The following IMMP2L variants were observed in gnomAD, a reference collection of about 807,000 sequenced individuals.
IMMP2L encodes the protein inner mitochondrial membrane peptidase subunit 2, also known as mitochondrial inner membrane protease subunit 2.
In IMMP2L, 18 loss-of-function variants were observed where a neutral mutation model predicts 19.3. The ratio of observed to expected loss-of-function variants is 0.93; its 90% CI spans 0.64 to 1.38. The LOEUF is 1.38. Among genes scored for constraint, IMMP2L ranks in the 40% most tolerant of loss-of-function variants. The pLI is 0.00. For missense variants in IMMP2L, 233 were observed against 218.2 expected, an observed-to-expected ratio of 1.07 and a Z score of -0.43; for synonymous variants, 76 against 73.0, an observed-to-expected ratio of 1.04 and a Z score of -0.21.
intron 5 of IMMP2L, among the ~76,000 whole-genome samples, chr7:110,782,105 G>A (rs914370031): frequency 1.3e-5 from 2 of 151,940 alleles, no homozygotes; most frequent in South Asian, 2.1e-4. Flanking sequence ...TATTCTAGTC[G>A]GCAGGAAGAT....
In IMMP2L at chr7:110,677,968, G is replaced by A. The variant is rs79612620; in HGVS notation, c.409-14247C>T. ...CCTAGCAGTAGTGATAGTTCTGGAA[G>A]CATGCTACTCTGCAGAAAGACCCAG... On this transcript the variant is annotated intron_variant, in intron 5 of 5. Coordinates refer to ENST00000405709, the MANE Select transcript of IMMP2L (RefSeq NM_032549.4). Among the ~76,000 whole-genome samples the A allele has an allele frequency of 8.3e-3, 1,264 of 152,228 alleles. 16 individuals carry two copies. Among genetic ancestry groups the A allele is most frequent in the African/African-American group, 0.029 (1,209 of 41,558 alleles).
chr7:111,463,020 C>A lies in IMMP2L; in HGVS notation c.239+24218G>T, dbSNP rs145891776. On this transcript the variant is annotated intron_variant, in intron 3 of 5. Transcript: ENST00000405709. ...AAAGGTATTCTCACAGTTCCGGAGGCCAGAAATCTGAAATTGAGGTGCCAG... is the reference window on the plus strand; with the variant it reads ...AAAGGTATTCTCACAGTTCCGGAGGACAGAAATCTGAAATTGAGGTGCCAG... 1.9e-4 allele frequency among the ~76,000 whole-genome samples: 29 copies of A among 152,218 alleles called. No individual in the cohort carries two copies. In the East Asian group the frequency reaches 5.2e-3, roughly 27 times the overall value.
intron 3 of IMMP2L, chr7:111,122,780 A>G (rs1292058652): frequency 2.5e-6 from 4 of 1,611,862 alleles, no homozygotes; most frequent in Non-Finnish European, 3.4e-6. Flanking sequence ...AAGATGAAGG[A>G]CATGCCACTC....
At chr7:111,556,008 C>CTGTGTGTA (rs149893305) in intron 1 of IMMP2L, among the ~76,000 whole-genome samples, 2 of 17,172 alleles carry the variant, frequency 1.2e-4, no homozygotes, top group African/African-American at 2.3e-4. Flanking sequence ...CATCCCTCTT[C>CTGTGTGTA]TGTGTGCATG....
At chr7:111,287,233 TAAG>T (rs1203879780) in intron 3 of IMMP2L, among the ~76,000 whole-genome samples, 1 of 152,118 alleles carries the variant, frequency 6.6e-6, no homozygotes, top group Non-Finnish European at 1.5e-5. Context: ...GGAAGAAAAA[TAAG>T]AAGGAGCATA....
rs545795870 is a variant in IMMP2L, at chr7:111,329,700, A to G, written c.239+157538T>C. On this transcript the variant is annotated intron_variant, in intron 3 of 5. Transcript: ENST00000405709. Reference sequence around the variant, plus strand: ...GGAGAGGTTTCTTTGGAAACTATACATTAGAGAGAGAAAAAGGGGAGAACA... The same window carrying G: ...GGAGAGGTTTCTTTGGAAACTATACGTTAGAGAGAGAAAAAGGGGAGAACA... Among the ~76,000 whole-genome samples the G allele has an allele frequency of 1.1e-4, 17 of 152,012 alleles. No individual in the cohort carries two copies. In the South Asian group the frequency reaches 3.5e-3, roughly 32 times the overall value.
At chr7:111,097,014 G>C (rs970949231) in intron 3 of IMMP2L, 1 of 151,782 alleles carries the variant, frequency 6.6e-6, no homozygotes, top group Admixed American at 6.6e-5. Flanking sequence ...GTCATTTCAC[G>C]CTTTACTTCC....
chr7:110,979,643 G>A (rs1361700428), intron 3 of IMMP2L, among the ~76,000 whole-genome samples: 2 of 151,436 alleles, frequency 1.3e-5, no homozygotes, highest in South Asian at 4.2e-4. Context: ...AGAACTTAAA[G>A]TATAATGAAA....
At chr7:110,816,205 G>A (rs1338613579) in intron 5 of IMMP2L, among the ~76,000 whole-genome samples, 1 of 152,062 alleles carries the variant, frequency 6.6e-6, no homozygotes, top group Non-Finnish European at 1.5e-5. Flanking sequence ...CTTTATTTCT[G>A]CCTTCATTTC....
At chr7:110,858,961 CA>C in intron 5 of IMMP2L, among the ~76,000 whole-genome samples, 2 of 152,190 alleles carry the variant, frequency 1.3e-5, no homozygotes, top group Middle Eastern at 6.8e-3. Context: ...CCATAGTATT[CA>C]AATCACTTCT....
intron 3 of IMMP2L, among the ~76,000 whole-genome samples, chr7:111,000,889 G>A (rs981294512): frequency 2.7e-5 from 4 of 150,648 alleles, no homozygotes; most frequent in Non-Finnish European, 5.9e-5. Flanking sequence ...ATGGTAGGCC[G>A]AAAATATGGA....
chr7:110,930,437 G>A (rs1010151347), intron 4 of IMMP2L, among the ~76,000 whole-genome samples: 2 of 152,076 alleles, frequency 1.3e-5, no homozygotes, highest in Non-Finnish European at 2.9e-5. Flanking sequence ...GGAGGAAAAG[G>A]AGGAGAGCAA....
chr7:111,376,474 C>A (rs769117585), intron 3 of IMMP2L, among the ~76,000 whole-genome samples: 1 of 152,088 alleles, frequency 6.6e-6, no homozygotes, highest in Non-Finnish European at 1.5e-5. Context: ...GGAGCAGCAG[C>A]TTCCGAAAAC....
chr7:111,203,205 CG>C (rs1810335124), intron 3 of IMMP2L, among the ~76,000 whole-genome samples: 2 of 152,024 alleles, frequency 1.3e-5, no homozygotes, highest in Non-Finnish European at 2.9e-5. Flanking sequence ...ATAGGCAAGA[CG>C]GTTTTTTTTC....
intron 5 of IMMP2L, among the ~76,000 whole-genome samples, chr7:110,881,051 T>C (rs1055415572): frequency 6.6e-6 from 1 of 152,136 alleles, no homozygotes; most frequent in Non-Finnish European, 1.5e-5. Flanking sequence ...TTCCAAGCTC[T>C]CTTTTTAAAA....
At chr7:111,425,493 T>C (rs1322406569) in intron 3 of IMMP2L, among the ~76,000 whole-genome samples, 1 of 151,032 alleles carries the variant, frequency 6.6e-6, no homozygotes, top group Non-Finnish European at 1.5e-5. Flanking sequence ...GAAGTGCCTA[T>C]AGTTTACTTT....
At chr7:110,715,403 T>C (rs936026714) in intron 5 of IMMP2L, among the ~76,000 whole-genome samples, 1 of 152,208 alleles carries the variant, frequency 6.6e-6, no homozygotes, top group African/African-American at 2.4e-5. Context: ...GGTAGGCATT[T>C]AGTGCTATAA....
At chr7:110,724,879 G>T (rs896750453) in intron 5 of IMMP2L, among the ~76,000 whole-genome samples, 1 of 152,046 alleles carries the variant, frequency 6.6e-6, no homozygotes, top group African/African-American at 2.4e-5. Context: ...TGTGAGTGGC[G>T]TATCAAGAAT....
chr7:110,699,876 A>G (rs974610072), intron 5 of IMMP2L, among the ~76,000 whole-genome samples: 14 of 152,130 alleles, frequency 9.2e-5, no homozygotes, highest in African/African-American at 3.1e-4. Flanking sequence ...GAAAAAAACC[A>G]TGTTATAAGC....
Sources: gnomAD v4.1 joint callset for allele counts (sites outside exome capture counted in the v4.1 genomes callset) on GRCh38, gnomAD v4.1.1 for gene constraint, MANE v1.5 for transcripts, NCBI Gene and HGNC (gene_info 2026-07-23, HGNC 2026-07-21) for gene names.